Variants in MYT1L observed in about 807,000 individuals in gnomAD.
The protein encoded by MYT1L is myelin transcription factor 1-like protein.
In MYT1L, 12 loss-of-function variants were observed where a neutral mutation model predicts 126.7. That is an observed-to-expected ratio of 0.09 (90% CI 0.06 to 0.15). The LOEUF is 0.15. MYT1L is among the 10% of genes least tolerant of loss of function. The pLI is 1.00. For missense variants in MYT1L, 979 were observed against 1,585.2 expected, an observed-to-expected ratio of 0.62 and a Z score of 6.49; for synonymous variants, 541 against 604.2, an observed-to-expected ratio of 0.90 and a Z score of 1.53.
chr2:2,315,123 C>T (rs73179801), intron 1 of MYT1L, among the ~76,000 whole-genome samples: 5 of 152,300 alleles, frequency 3.3e-5, no homozygotes, highest in African/African-American at 1.2e-4. Flanking sequence ...GCACACAGCA[C>T]TTTTCTGTTA....
chr2:1,867,640 C>T (rs2045754490), intron 18 of MYT1L, among the ~76,000 whole-genome samples: 1 of 152,092 alleles, frequency 6.6e-6, no homozygotes, highest in African/African-American at 2.4e-5. Context: ...TGGGGGACCT[C>T]GGGGCGCTCT....
At chr2:1,794,298 C>T (rs2032926101) in intron 23 of MYT1L, among the ~76,000 whole-genome samples, 1 of 152,262 alleles carries the variant, frequency 6.6e-6, no homozygotes. Context: ...ATGAGCCCAG[C>T]CCAGCTCGCC....
chr2:1,909,715 G>A (rs1050702856), intron 13 of MYT1L, among the ~76,000 whole-genome samples: 7 of 152,222 alleles, frequency 4.6e-5, no homozygotes, highest in South Asian at 2.1e-4. Flanking sequence ...CTTGCCAAAC[G>A]GAGGTGACAA....
chr2:1,819,195 T>G (rs1336485895), intron 21 of MYT1L, among the ~76,000 whole-genome samples: 1 of 152,122 alleles, frequency 6.6e-6, no homozygotes, highest in Non-Finnish European at 1.5e-5. Flanking sequence ...ATCAAAACAC[T>G]GTTAGGAGAA....
intron 2 of MYT1L, among the ~76,000 whole-genome samples, chr2:2,216,205 ATTTC>A (rs1399924659): frequency 2.6e-5 from 4 of 152,174 alleles, no homozygotes; most frequent in Non-Finnish European, 1.5e-5. Flanking sequence ...AGTCTCAGGT[ATTTC>A]TTTATAGAAT....
intron 2 of MYT1L, among the ~76,000 whole-genome samples, chr2:2,197,841 T>A (rs980122010): frequency 4.0e-5 from 6 of 151,540 alleles, no homozygotes; most frequent in African/African-American, 1.5e-4. Flanking sequence ...ACAACGAATG[T>A]GTAGAGATGT....
intron 3 of MYT1L, among the ~76,000 whole-genome samples, chr2:2,145,568 G>A (rs564198368): frequency 6.6e-6 from 1 of 151,764 alleles, no homozygotes; most frequent in East Asian, 1.9e-4. Flanking sequence ...AAAGTAAAAA[G>A]GGTAGAAGAT....
chr2:2,328,085 A>G (rs1043158813), intron 1 of MYT1L, among the ~76,000 whole-genome samples: 4 of 152,234 alleles, frequency 2.6e-5, no homozygotes, highest in Admixed American at 2.6e-4. Flanking sequence ...TTATAAATGT[A>G]AAGTATTTAT....
At chr2:2,202,198 C>T (rs1432444063) in intron 2 of MYT1L, among the ~76,000 whole-genome samples, 1 of 151,972 alleles carries the variant, frequency 6.6e-6, no homozygotes, top group Non-Finnish European at 1.5e-5. Context: ...ACCCTAACAT[C>T]ACAATTAAAA....
At chr2:1,824,549 A>G (rs2148184267) in intron 21 of MYT1L, 1 of 152,414 alleles carries the variant, frequency 6.6e-6, no homozygotes. Context: ...GCCCTGTGAG[A>G]ACTCAGGGGC....
intron 4 of MYT1L, among the ~76,000 whole-genome samples, chr2:1,997,850 T>A (rs749587007): frequency 6.6e-6 from 1 of 152,224 alleles, no homozygotes. Context: ...TTAAAATTCA[T>A]AGAACTAAAA....
chr2:1,869,486 G>A lies in MYT1L; in HGVS notation c.2711+17053C>T, dbSNP rs547415642. Among the ~76,000 whole-genome samples, 4 of 152,376 alleles carry A rather than the reference G, an allele frequency of 2.6e-5. No homozygotes were observed. In the South Asian group the frequency reaches 8.3e-4, roughly 32 times the overall value. Reference sequence around the variant, plus strand: ...GAGCCTGTGTGTGTGCCTGCATGTGGTCGGTGTAACAGAGATGGGACTCCG... The same window carrying A: ...GAGCCTGTGTGTGTGCCTGCATGTGATCGGTGTAACAGAGATGGGACTCCG... On this transcript the variant is annotated intron_variant, in intron 18 of 24. Transcript: ENST00000647738.
At chr2:2,066,786 G>A (rs764097960) in intron 3 of MYT1L, among the ~76,000 whole-genome samples, 8 of 152,234 alleles carry the variant, frequency 5.3e-5, no homozygotes, top group Non-Finnish European at 1.2e-4. Flanking sequence ...ACCAGATGGC[G>A]GAGCTCAGGA....
At chr2:2,128,415 T>C (rs546671948) in intron 3 of MYT1L, among the ~76,000 whole-genome samples, 10 of 152,200 alleles carry the variant, frequency 6.6e-5, no homozygotes, top group Admixed American at 4.6e-4. Flanking sequence ...GCCTCCCAAA[T>C]TGCTAGGATT....
chr2:1,993,018 A>T lies in MYT1L; in HGVS notation c.-1+4173T>A, dbSNP rs980121587. Among the ~76,000 whole-genome samples the T allele has an allele frequency of 2.6e-5, 4 of 152,050 alleles. No homozygotes were observed. The South Asian group carries it at 6.2e-4, about 24-fold the overall frequency. ...CGCAAGAAGACAGCTCCACCTCCCT[A>T]TGATCTCATCCCTGACCAATCAGCA... On this transcript the variant is annotated intron_variant, in intron 5 of 24. Transcript: ENST00000647738.
chr2:1,824,249 A>G (rs1371762887), intron 21 of MYT1L, among the ~76,000 whole-genome samples: 3 of 152,186 alleles, frequency 2.0e-5, no homozygotes, highest in Middle Eastern at 3.2e-3. Context: ...TCTTCCAACA[A>G]TCTGTAATGT....
intron 2 of MYT1L, among the ~76,000 whole-genome samples, chr2:2,274,064 A>G (rs979271844): frequency 6.6e-6 from 1 of 152,196 alleles, no homozygotes; most frequent in African/African-American, 2.4e-5. Flanking sequence ...GTAGGCACAA[A>G]GAAGGAAGGA....
At chr2:2,322,054 T>C (rs896293158) in intron 1 of MYT1L, among the ~76,000 whole-genome samples, 3 of 152,042 alleles carry the variant, frequency 2.0e-5, no homozygotes, top group East Asian at 1.9e-4. Context: ...CACAAAATCA[T>C]GGAAGAGGGG....
At chr2:2,150,366 C>T (rs58710980) in intron 3 of MYT1L, among the ~76,000 whole-genome samples, 4 of 152,080 alleles carry the variant, frequency 2.6e-5, no homozygotes, top group Non-Finnish European at 5.9e-5. Context: ...TAAAACTAAA[C>T]AAAGACAATC....
Sources: gnomAD v4.1 joint callset for allele counts (sites outside exome capture counted in the v4.1 genomes callset) on GRCh38, gnomAD v4.1.1 for gene constraint, MANE v1.5 for transcripts, NCBI Gene and HGNC (gene_info 2026-07-23, HGNC 2026-07-21) for gene names.